Variants in BLM observed in about 807,000 individuals in gnomAD.
The protein encoded by BLM is BLM RecQ like helicase.
In BLM, 95 loss-of-function variants were observed where a neutral mutation model predicts 135.3. That is an observed-to-expected ratio of 0.70 (90% CI 0.59 to 0.83). The LOEUF is 0.83. Ranked by LOEUF, BLM falls within the 40% of genes least tolerant of loss-of-function variation. BLM has a pLI of 0.00. For missense variants in BLM, 1,518 were observed against 1,663.9 expected (o/e 0.91, Z 1.53); for synonymous variants, 520 against 589.2 (o/e 0.88, Z 1.70).
At chr15:90,734,219 A>G (rs1159067958) in intron 1 of BLM, among the ~76,000 whole-genome samples, 1 of 152,150 alleles carries the variant, frequency 6.6e-6, no homozygotes, top group Admixed American at 6.6e-5. Context: ...ATATATGCTG[A>G]AAAAGCCTTT....
intron 1 of BLM, among the ~76,000 whole-genome samples, chr15:90,740,988 A>G (rs887039456): frequency 6.6e-6 from 1 of 152,144 alleles, no homozygotes; most frequent in Non-Finnish European, 1.5e-5. Context: ...ACACGTGGTG[A>G]CTATGTTTCG....
At position 90,763,038 on chromosome 15, in the gene BLM, C is replaced by G. The variant is rs1475280501; in HGVS notation, c.1955C>G (p.Thr652Arg). 1 of 1,613,850 alleles carries G rather than the reference C, an allele frequency of 6.2e-7. No homozygotes were observed. Among genetic ancestry groups the G allele is most frequent in the Non-Finnish European group, 8.5e-7 (1 of 1,179,922 alleles). The change falls in exon 8 of 22, where the codon ACA becomes AGA. Residue 652 changes from threonine (T) to arginine (R), a missense_variant. Physicochemically the swap from Thr to Arg is moderately conservative, Grantham distance 71. This residue lies in a region of BLM where 724 missense variants were observed against 756.9 expected (regional missense o/e 0.96). Transcript: ENST00000355112. ...ERFQSLSFPH[T>R]KEMMKIFHKK... ...TTCCAAAGTCTTAGTTTTCCTCATACAAAGGAAATGATGAAGATTTTTCAT... is the reference window on the plus strand; with the variant it reads ...TTCCAAAGTCTTAGTTTTCCTCATAGAAAGGAAATGATGAAGATTTTTCAT...
intron 12 of BLM, among the ~76,000 whole-genome samples, chr15:90,781,187 A>G (rs1265508005): frequency 6.6e-6 from 1 of 152,212 alleles, no homozygotes; most frequent in African/African-American, 2.4e-5. Context: ...GGGGCCAAGA[A>G]CAAAAATAAA....
intron 1 of BLM, among the ~76,000 whole-genome samples, chr15:90,745,634 CT>C (rs1456692133): frequency 2.6e-5 from 4 of 152,118 alleles, no homozygotes; most frequent in African/African-American, 9.7e-5. Flanking sequence ...TGGTCTCAAA[CT>C]CCTGGGCTCA....
At chr15:90,734,696 C>CAGAGAGAG (rs60051515) in intron 1 of BLM, among the ~76,000 whole-genome samples, 16 of 146,118 alleles carry the variant, frequency 1.1e-4, no homozygotes, top group Non-Finnish European at 1.2e-4. Flanking sequence ...CACACACACG[C>CAGAGAGAG]AGAGAGAGAG....
intron 1 of BLM, among the ~76,000 whole-genome samples, chr15:90,731,507 ATCTTTG>A (rs1895068914): frequency 6.6e-6 from 1 of 152,138 alleles, no homozygotes; most frequent in African/African-American, 2.4e-5. Context: ...TCTTGATGCT[ATCTTTG>A]TGGGTAGATT....
In BLM at chr15:90,794,186, T is replaced by C. The variant is rs747406569; in HGVS notation, c.3039T>C (p.His1013=). The C allele has an allele frequency of 6.2e-7, 1 of 1,604,104 alleles. No homozygotes were observed. The highest frequency in any genetic ancestry group is 2.3e-5 in the East Asian group (1 of 44,406). The change falls in exon 16 of 22, where the codon CAT becomes CAC. Residue 1013 remains histidine (H), a synonymous_variant. Coordinates refer to ENST00000355112, the MANE Select transcript of BLM (RefSeq NM_000057.4). ...RLIMMEKDGN[H]HTRETHFNNL... is the part of the protein sequence containing the mutation. ...TTTTAGTGGAAAAAGATGGAAACCA[T>C]CATACAAGAGAAACTCACTTCAATA...
At chr15:90,772,726 C>A (rs574122678) in intron 12 of BLM, among the ~76,000 whole-genome samples, 1 of 152,236 alleles carries the variant, frequency 6.6e-6, no homozygotes, top group South Asian at 2.1e-4. Context: ...TAAGCTAGAA[C>A]CCCCAGTAAC....
chr15:90,809,667 TA>T (rs1477253525), intron 20 of BLM, among the ~76,000 whole-genome samples: 1 of 152,204 alleles, frequency 6.6e-6, no homozygotes, highest in Non-Finnish European at 1.5e-5. Context: ...TGTCTAAAGA[TA>T]AAATTTAAGA....
Position 90,811,252 on chromosome 15 carries a change from G to C in BLM, c.3922G>C (p.Gly1308Arg), listed in dbSNP as rs768010078. Residue 1308 changes from glycine to arginine, a missense_variant, in exon 21 of 22, where the codon GGA (glycine) becomes CGA (arginine). By Grantham distance (125) the Gly-to-Arg change is moderately radical (BLOSUM62 -2). Coordinates refer to ENST00000355112, the MANE Select transcript of BLM (RefSeq NM_000057.4). The stretch of plus-strand genomic sequence containing the variant: ...AAGCCTGTCCAGCAGCAGAGGCCCC[G>C]GAAGAAGTGCCGCTGAGGAGCTCGA... The part of the protein sequence containing the change: ...GISLSSSRGP[G>R]RSAAEELDEE... 1.9e-6 allele frequency: 3 copies of C among 1,613,926 alleles called. No individual in the cohort carries two copies. The highest frequency in any genetic ancestry group is 2.5e-6 in the Non-Finnish European group (3 of 1,180,040).
intron 14 of BLM, 190 bp from the exon 15 acceptor site, chr15:90,790,459 A>G: frequency 1.6e-6 from 1 of 614,404 alleles, no homozygotes; most frequent in Non-Finnish European, 2.8e-6. Flanking sequence ...TTTTAATGGC[A>G]TTGCAAGTTA....
chr15:90,746,398 A>G (rs969047439), intron 1 of BLM, among the ~76,000 whole-genome samples: 1 of 152,236 alleles, frequency 6.6e-6, no homozygotes, highest in East Asian at 1.9e-4. Context: ...AGAAGCAGAA[A>G]TAATTCCTTC....
At chr15:90,759,927 A>AG in intron 5 of BLM, 1 of 359,016 alleles carries the variant, frequency 2.8e-6, no homozygotes, top group Non-Finnish European at 5.2e-6. Context: ...AAAAAAAAAA[A>AG]AAAAGAAAAA....
chr15:90,742,734 A>G (rs112700322), intron 1 of BLM, among the ~76,000 whole-genome samples: 2 of 151,932 alleles, frequency 1.3e-5, no homozygotes, highest in Non-Finnish European at 2.9e-5. Flanking sequence ...TCCCGGGCTC[A>G]AATGATCCTT....
rs1801256 is a variant in BLM at position 90,804,233 on chromosome 15, T to A, written c.3625T>A (p.Ser1209Thr). ...ACAAAAAGCGTTAGTAGCAAAAGTG[T>A]CTCAGAGGGAAGAGATGGTTAAAAA... ...KKQKALVAKVSQREEMVKKCL... is the reference protein window; with the variant it reads ...KKQKALVAKVTQREEMVKKCL... The change falls in exon 19 of 22, where the codon TCT becomes ACT. Residue 1209 changes from serine (S) to threonine (T), a missense_variant. Ser to Thr is a moderately conservative substitution (Grantham distance 58, BLOSUM62 1). This residue lies in a region of BLM where 626 missense variants were observed against 681.1 expected (regional missense o/e 0.92). Transcript: ENST00000355112. 428 of 1,613,966 alleles carry A rather than the reference T, an allele frequency of 2.7e-4. No individual in the cohort carries two copies. Among genetic ancestry groups the A allele is most frequent in the Non-Finnish European group, 2.2e-4 (260 of 1,179,968 alleles).
intron 17 of BLM, 43 bp downstream of exon 17, chr15:90,798,380 T>C (rs1374782061): frequency 1.9e-6 from 3 of 1,592,230 alleles, no homozygotes; most frequent in East Asian, 2.2e-5. Flanking sequence ...TCAATTGAAA[T>C]TGAACATCTA....
At chr15:90,787,949 CAA>C (rs11355198) in intron 14 of BLM, among the ~76,000 whole-genome samples, 80 of 136,160 alleles carry the variant, frequency 5.9e-4, no homozygotes, top group Admixed American at 4.5e-4. Flanking sequence ...GACTCTATGT[CAA>C]AAAAAAAAAA....
chr15:90,773,201 C>T (rs1487634940), intron 12 of BLM, among the ~76,000 whole-genome samples: 2 of 151,882 alleles, frequency 1.3e-5, no homozygotes, highest in Non-Finnish European at 2.9e-5. Flanking sequence ...AGACGGATCA[C>T]CTGAGGTCAG....
intron 10 of BLM, among the ~76,000 whole-genome samples, chr15:90,768,464 G>C (rs912325259): frequency 2.4e-4 from 36 of 152,098 alleles, no homozygotes; most frequent in African/African-American, 7.7e-4. Context: ...CTGTTATGAA[G>C]AGAGCTATAA....
Sources: allele counts gnomAD v4.1 joint callset (sites outside exome capture counted in the v4.1 genomes callset), GRCh38; gene constraint gnomAD v4.1.1; regional missense constraint gnomAD v4.1.1; transcripts MANE v1.5; gene names NCBI Gene and HGNC (gene_info 2026-07-23, HGNC 2026-07-21).